ZNF362: variants seen among roughly 807,000 people sequenced by gnomAD.
ZNF362 encodes rotund homolog.
A neutral mutation model predicts 42.9 loss-of-function variants in ZNF362; 11 were observed. The observed-to-expected ratio is 0.26, with a 90% CI of 0.16 to 0.42. ZNF362 has a LOEUF of 0.42. Among genes scored for constraint, ZNF362 ranks in the 20% least tolerant of loss-of-function variants. The probability of loss-of-function intolerance (pLI) is 1.00; values close to 1 mark genes in which losing one functional copy is unlikely to be tolerated. For synonymous variants in ZNF362, 255 were observed against 257.3 expected (o/e 0.99, Z 0.09); for missense variants, 362 against 576.2 (o/e 0.63, Z 3.81).
chr1:33,133,386 G>T, the ZNF362 span, among the ~76,000 whole-genome samples: 138 of 152,374 alleles, frequency 9.1e-4, no homozygotes, highest in Non-Finnish European at 1.8e-3. Context: ...TTTCCTGGGT[G>T]TTTTGCACAA....
At chr1:33,130,973 G>C in the ZNF362 span, among the ~76,000 whole-genome samples, 3 of 152,236 alleles carry the variant, frequency 2.0e-5, no homozygotes, top group Admixed American at 2.0e-4. Flanking sequence ...GCCAGTGTTT[G>C]GTAATGTGAG....
intron 6 of ZNF362, among the ~76,000 whole-genome samples, chr1:33,292,529 CT>C (rs919874463): frequency 6.6e-6 from 1 of 151,962 alleles, no homozygotes; most frequent in South Asian, 2.1e-4. Flanking sequence ...CTAAAATTCT[CT>C]TTTTTTTGTT....
At chr1:33,253,898 T>A (rs559620586), upstream of ZNF362, among the ~76,000 whole-genome samples, 28 of 152,184 alleles carry the variant, frequency 1.8e-4, no homozygotes, top group South Asian at 6.2e-4. Flanking sequence ...TTATAGACTT[T>A]ATGTTTTAGA....
rs142056237 is a variant in ZNF362 at position 33,282,004 on chromosome 1, G to C, written c.908+193G>C. 1,641 of 606,344 alleles carry C rather than the reference G, an allele frequency of 2.7e-3. 27 individuals are homozygous for C. The highest frequency in any genetic ancestry group is 0.026 in the African/African-American group (1,407 of 54,112). The allele number at this position is 606,344 out of a possible 1,614,324, so 37.6% of individuals were successfully genotyped here. On this transcript the variant is annotated intron_variant, in intron 6 of 8. Transcript: ENST00000539719. ...CGTCCCCACTGTTTCTCATCTCTAG[G>C]TCTTTGCACATGCTGTGTCCTTTAC... is the stretch of plus-strand genomic sequence containing the variant.
the ZNF362 span, among the ~76,000 whole-genome samples, chr1:33,204,562 G>A: frequency 6.6e-6 from 1 of 152,192 alleles, no homozygotes; most frequent in Non-Finnish European, 1.5e-5. Context: ...ATGGAATTCA[G>A]TAGTATGAAC....
At chr1:33,205,217 C>T in the ZNF362 span, among the ~76,000 whole-genome samples, 78 of 152,250 alleles carry the variant, frequency 5.1e-4, no homozygotes, top group Middle Eastern at 3.4e-3. Flanking sequence ...GGCACAGCGG[C>T]TCACAACTAT....
the ZNF362 span, among the ~76,000 whole-genome samples, chr1:33,174,983 A>G: frequency 3.0e-4 from 40 of 133,082 alleles, no homozygotes; most frequent in African/African-American, 1.1e-3. Context: ...ACATATACAT[A>G]TATATGCACA....
At chr1:33,208,115 G>A in the ZNF362 span, among the ~76,000 whole-genome samples, 1 of 152,180 alleles carries the variant, frequency 6.6e-6, no homozygotes, top group East Asian at 1.9e-4. Context: ...TTTGTATAAA[G>A]TGTAAGGAAG....
At chr1:33,293,329 T>C (rs886156045) in intron 6 of ZNF362, among the ~76,000 whole-genome samples, 2 of 152,062 alleles carry the variant, frequency 1.3e-5, no homozygotes, top group Admixed American at 1.3e-4. Flanking sequence ...GGACGTAGGG[T>C]GCGTACGAGC....
chr1:33,220,130 G>C, the ZNF362 span, among the ~76,000 whole-genome samples: 636 of 152,270 alleles, frequency 4.2e-3, 1 homozygote, highest in Non-Finnish European at 7.2e-3. Context: ...CCCGGAGGCT[G>C]TGGGCTTTGT....
the ZNF362 span, among the ~76,000 whole-genome samples, chr1:33,244,374 C>T: frequency 2.6e-5 from 4 of 152,264 alleles, no homozygotes; most frequent in Admixed American, 2.0e-4. This position sits in a 1 kb window ranked among gnomAD's most constrained non-coding sequence, Gnocchi z 4.0. Context: ...CACTAACCAC[C>T]GGAATGCCCT....
chr1:33,249,128 A>G, the ZNF362 span, among the ~76,000 whole-genome samples: 1 of 152,246 alleles, frequency 6.6e-6, no homozygotes, highest in Non-Finnish European at 1.5e-5. Context: ...TATCCTGAAG[A>G]TGGTAGAAGG....
the ZNF362 span, among the ~76,000 whole-genome samples, chr1:33,185,872 C>T: frequency 1.3e-5 from 2 of 152,194 alleles, no homozygotes; most frequent in African/African-American, 4.8e-5. Context: ...TAGACACAAT[C>T]ACAGGCATTA....
rs923111102 is a variant in ZNF362, at chr1:33,281,277, C to T, written c.684-310C>T. Among the ~76,000 whole-genome samples the T allele has an allele frequency of 2.6e-5, 4 of 152,136 alleles. No individual in the cohort carries two copies. The highest frequency in any genetic ancestry group is 1.9e-4 in the East Asian group (1 of 5,182). On this transcript the variant is annotated intron_variant, in intron 5 of 8. Coordinates refer to ENST00000539719, the MANE Select transcript of ZNF362 (RefSeq NM_152493.3). This position sits in a 1 kb window ranked among gnomAD's most constrained non-coding sequence, Gnocchi z 4.8. Reference sequence around the variant, plus strand: ...GGTTGAGAACTACTTCACGTGGTAGCGCCTCCTGCCCAGAACCGTGGGATA... The same window carrying T: ...GGTTGAGAACTACTTCACGTGGTAGTGCCTCCTGCCCAGAACCGTGGGATA...
At chr1:33,260,851 A>G (rs1352426483) in intron 1 of ZNF362, among the ~76,000 whole-genome samples, 5 of 152,164 alleles carry the variant, frequency 3.3e-5, no homozygotes, top group African/African-American at 9.7e-5. Context: ...TAAGAATCCC[A>G]GTCTCTTCCA....
the ZNF362 span, among the ~76,000 whole-genome samples, chr1:33,232,742 A>C: frequency 6.6e-6 from 1 of 152,194 alleles, no homozygotes; most frequent in East Asian, 1.9e-4. Flanking sequence ...ATTATGTGAG[A>C]AAATGACCTC....
chr1:33,223,677 G>A, the ZNF362 span, among the ~76,000 whole-genome samples: 1 of 152,152 alleles, frequency 6.6e-6, no homozygotes, highest in African/African-American at 2.4e-5. Context: ...TGAATCACCT[G>A]CGGTCAGGAG....
At chr1:33,161,959 T>G in the ZNF362 span, among the ~76,000 whole-genome samples, 1 of 152,262 alleles carries the variant, frequency 6.6e-6, no homozygotes, top group East Asian at 1.9e-4. The surrounding 1 kb of genome is among the most constrained non-coding windows in gnomAD (Gnocchi z 4.3). Flanking sequence ...TGAACTGCTT[T>G]AAGGATGGTT....
the ZNF362 span, among the ~76,000 whole-genome samples, chr1:33,228,651 A>G: frequency 6.6e-6 from 1 of 152,146 alleles, no homozygotes; most frequent in Non-Finnish European, 1.5e-5. Context: ...CGTCAGCTCT[A>G]TTCAAAGATT....
Sources: allele counts gnomAD v4.1 joint callset (sites outside exome capture counted in the v4.1 genomes callset), GRCh38; gene constraint gnomAD v4.1.1; non-coding constraint Gnocchi (gnomAD v3.1); transcripts MANE v1.5; gene names NCBI Gene and HGNC (gene_info 2026-07-23, HGNC 2026-07-21).